CENPW: variants seen among roughly 807,000 people sequenced by gnomAD.
The protein encoded by CENPW is centromere protein W.
CENPW carries 3 observed loss-of-function variants against 11.1 expected under a neutral mutation model. That is an observed-to-expected ratio of 0.27 (90% CI 0.12 to 0.70). The LOEUF is 0.70. Among genes scored for constraint, CENPW ranks in the 30% least tolerant of loss-of-function variants. CENPW has a pLI of 0.77. For synonymous variants in CENPW, 38 were observed against 42.0 expected (o/e 0.91, Z 0.37); for missense variants, 100 against 105.6 (o/e 0.95, Z 0.23).
the CENPW span, among the ~76,000 whole-genome samples, chr6:126,481,829 C>T: frequency 2.5e-4 from 38 of 152,176 alleles, 1 homozygote; most frequent in Non-Finnish European, 8.8e-5. Context: ...TCTTACTATA[C>T]TTGGTATAGT....
the CENPW span, among the ~76,000 whole-genome samples, chr6:126,467,933 C>T: frequency 6.6e-6 from 1 of 152,028 alleles, no homozygotes; most frequent in African/African-American, 2.4e-5. Context: ...TGTGATTTTC[C>T]TTCCCCAAAC....
chr6:126,368,343 G>A, the CENPW span, among the ~76,000 whole-genome samples: 1,179 of 152,242 alleles, frequency 7.7e-3, 10 homozygotes, highest in Non-Finnish European at 0.012. Flanking sequence ...TTTGGTTTTG[G>A]CTGAGCACAG....
At chr6:126,389,076 CTGT>C in the CENPW span, among the ~76,000 whole-genome samples, 1 of 151,958 alleles carries the variant, frequency 6.6e-6, no homozygotes, top group African/African-American at 2.4e-5. Context: ...AGATCCATCT[CTGT>C]TGTTCTTTGA....
the CENPW span, among the ~76,000 whole-genome samples, chr6:126,376,678 G>C: frequency 6.6e-6 from 1 of 152,174 alleles, no homozygotes; most frequent in African/African-American, 2.4e-5. Flanking sequence ...TCTGTGGCTA[G>C]TCACAAATCA....
chr6:126,414,191 G>A, the CENPW span, among the ~76,000 whole-genome samples: 1 of 151,932 alleles, frequency 6.6e-6, no homozygotes, highest in Non-Finnish European at 1.5e-5. Context: ...TACATATAAA[G>A]GAAGAGATAC....
chr6:126,340,633 G>A (rs1583951429), intron 1 of CENPW, among the ~76,000 whole-genome samples: 1 of 152,218 alleles, frequency 6.6e-6, no homozygotes, highest in Admixed American at 6.5e-5. Context: ...CTTTTTAAAG[G>A]GAGACTGTTA....
the CENPW span, among the ~76,000 whole-genome samples, chr6:126,372,662 G>A: frequency 1.3e-5 from 2 of 152,236 alleles, no homozygotes; most frequent in South Asian, 2.1e-4. Context: ...ATTCCTGAAG[G>A]TTTTAAGAAT....
chr6:126,458,018 C>T, the CENPW span, among the ~76,000 whole-genome samples: 1 of 151,390 alleles, frequency 6.6e-6, no homozygotes, highest in Non-Finnish European at 1.5e-5. Flanking sequence ...TTACTTTTGA[C>T]TTCATTGAGA....
the CENPW span, among the ~76,000 whole-genome samples, chr6:126,416,524 A>G: frequency 1.3e-5 from 2 of 152,190 alleles, no homozygotes; most frequent in Non-Finnish European, 2.9e-5. Flanking sequence ...AGCCCCTCCC[A>G]TCACAAGCCC....
At chr6:126,462,786 G>C in the CENPW span, among the ~76,000 whole-genome samples, 1 of 151,930 alleles carries the variant, frequency 6.6e-6, no homozygotes, top group Non-Finnish European at 1.5e-5. Flanking sequence ...CTGATGTAAT[G>C]AGCTCAGCTA....
the CENPW span, among the ~76,000 whole-genome samples, chr6:126,395,283 AT>A: frequency 9.7e-4 from 148 of 151,828 alleles, no homozygotes; most frequent in African/African-American, 3.3e-3. Flanking sequence ...AAGTTCACTA[AT>A]TTTTTTTCTT....
the CENPW span, among the ~76,000 whole-genome samples, chr6:126,456,050 A>G: frequency 1.3e-5 from 2 of 151,298 alleles, no homozygotes; most frequent in Non-Finnish European, 3.0e-5. Context: ...CTCTTCTCAA[A>G]GAAATCAGAG....
the CENPW span, among the ~76,000 whole-genome samples, chr6:126,389,256 T>C: frequency 6.6e-6 from 1 of 151,948 alleles, no homozygotes; most frequent in East Asian, 1.9e-4. Flanking sequence ...TGGGACCACA[T>C]AGGAGACAAT....
the CENPW span, among the ~76,000 whole-genome samples, chr6:126,358,255 G>GC: frequency 3.3e-5 from 5 of 152,190 alleles, no homozygotes; most frequent in South Asian, 1.0e-3. Flanking sequence ...AAATAGGAGT[G>GC]GTTAGATTGG....
chr6:126,404,568 T>A, the CENPW span, among the ~76,000 whole-genome samples: 7 of 152,222 alleles, frequency 4.6e-5, no homozygotes, highest in African/African-American at 1.7e-4. Context: ...CTATTTGTAG[T>A]TTTTTGAGAA....
At chr6:126,452,207 C>A in the CENPW span, among the ~76,000 whole-genome samples, 6 of 151,012 alleles carry the variant, frequency 4.0e-5, no homozygotes, top group Non-Finnish European at 7.4e-5. Flanking sequence ...GTGTATTATT[C>A]AAAACATCCA....
downstream of CENPW, among the ~76,000 whole-genome samples, chr6:126,352,092 C>T (rs1266561469): frequency 6.6e-6 from 1 of 152,066 alleles, no homozygotes; most frequent in Admixed American, 6.5e-5. Flanking sequence ...ATCCAGGGGC[C>T]ATGCTTCCGA....
At chr6:126,396,504 T>C in the CENPW span, among the ~76,000 whole-genome samples, 1 of 152,192 alleles carries the variant, frequency 6.6e-6, no homozygotes, top group Non-Finnish European at 1.5e-5. Flanking sequence ...AGCCAAGGCC[T>C]GGAATCAAGG....
At chr6:126,410,664 A>C in the CENPW span, among the ~76,000 whole-genome samples, 4 of 151,482 alleles carry the variant, frequency 2.6e-5, no homozygotes, top group African/African-American at 9.7e-5. Flanking sequence ...GATGTCCTGT[A>C]AGTCTTGTTG....
Sources: gnomAD v4.1 joint callset for allele counts (sites outside exome capture counted in the v4.1 genomes callset) on GRCh38, gnomAD v4.1.1 for gene constraint, MANE v1.5 for transcripts, NCBI Gene and HGNC (gene_info 2026-07-23, HGNC 2026-07-21) for gene names.